HMGCLL1: variants seen among roughly 807,000 people sequenced by gnomAD.
HMGCLL1 encodes 3-hydroxymethyl-3-methylglutaryl-CoA lyase, cytoplasmic.
A neutral mutation model predicts 39.1 loss-of-function variants in HMGCLL1; 36 were observed. The observed-to-expected ratio is 0.92, with a 90% CI of 0.71 to 1.22. The LOEUF (loss-of-function observed/expected upper bound fraction) is 1.22. HMGCLL1 is among the 50% of genes most tolerant of loss of function. The probability of loss-of-function intolerance (pLI) is 0.00; values close to 1 mark genes in which losing one functional copy is unlikely to be tolerated. For synonymous variants in HMGCLL1, 149 were observed against 144.0 expected, an observed-to-expected ratio of 1.03 and a Z score of -0.25; for missense variants, 451 against 416.5, an observed-to-expected ratio of 1.08 and a Z score of -0.72.
chr6:55,619,138 A>G, the HMGCLL1 span, among the ~76,000 whole-genome samples: 1 of 152,080 alleles, frequency 6.6e-6, no homozygotes, highest in Non-Finnish European at 1.5e-5. Flanking sequence ...AAAGATAGGG[A>G]TCAAAAAGAA....
chr6:55,674,700 C>T, the HMGCLL1 span, among the ~76,000 whole-genome samples: 1 of 151,964 alleles, frequency 6.6e-6, no homozygotes, highest in East Asian at 1.9e-4. Flanking sequence ...TTGCATCCAA[C>T]AAAGTTAGCA....
intron 3 of HMGCLL1, 70 bp from the exon 4 acceptor site, chr6:55,516,673 G>A: frequency 9.5e-7 from 1 of 1,047,638 alleles, no homozygotes. Context: ...TTTAGTTTCA[G>A]GTAGGTTATA....
At chr6:55,658,450 T>C in the HMGCLL1 span, among the ~76,000 whole-genome samples, 2 of 151,920 alleles carry the variant, frequency 1.3e-5, no homozygotes, top group African/African-American at 4.8e-5. Flanking sequence ...GGGAGTGAGA[T>C]GGGAATGCGT....
intron 1 of HMGCLL1, among the ~76,000 whole-genome samples, chr6:55,575,561 A>G (rs1276403188): frequency 2.0e-5 from 3 of 152,120 alleles, no homozygotes; most frequent in Non-Finnish European, 4.4e-5. Flanking sequence ...CACACACATA[A>G]TTATTTCAAA....
the HMGCLL1 span, among the ~76,000 whole-genome samples, chr6:55,650,086 T>TATAC: frequency 3.9e-5 from 2 of 51,162 alleles, no homozygotes; most frequent in Admixed American, 2.7e-4. Context: ...TACACACACA[T>TATAC]ATACATATAT....
chr6:55,650,128 TATATATACACACACAC>T, the HMGCLL1 span, among the ~76,000 whole-genome samples: 94 of 53,696 alleles, frequency 1.8e-3, 1 homozygote, highest in South Asian at 5.8e-3. Context: ...TATATATATA[TATATATACACACACAC>T]ACACATATGT....
At chr6:55,476,272 G>C (rs1765281168) in intron 7 of HMGCLL1, among the ~76,000 whole-genome samples, 1 of 151,396 alleles carries the variant, frequency 6.6e-6, no homozygotes, top group African/African-American at 2.4e-5. Flanking sequence ...TTTCTATATA[G>C]TAATATAACA....
At chr6:55,650,134 T>TATATATATATATATATATATATATATAC in the HMGCLL1 span, among the ~76,000 whole-genome samples, 3 of 53,346 alleles carry the variant, frequency 5.6e-5, no homozygotes, top group Admixed American at 5.2e-4. Flanking sequence ...TATATATATA[T>TATATATATATATATATATATATATATAC]ACACACACAC....
chr6:55,657,569 T>C, the HMGCLL1 span, among the ~76,000 whole-genome samples: 3 of 152,084 alleles, frequency 2.0e-5, no homozygotes, highest in South Asian at 4.1e-4. Context: ...ACCAGTACCA[T>C]GCTATTTTGG....
chr6:55,468,127 C>G (rs1764871474), intron 7 of HMGCLL1, among the ~76,000 whole-genome samples: 1 of 151,924 alleles, frequency 6.6e-6, no homozygotes, highest in African/African-American at 2.4e-5. Context: ...GGGTTGGGAT[C>G]TCTTTTGCAG....
At position 55,477,447 on chromosome 6, in the gene HMGCLL1, TA is replaced by T. The variant is rs1236647354; in HGVS notation, c.795+17971del. ...TAATATATATTATATATTATATATA[TA>T]ATATATTACATATAATATATAATAT... On this transcript the variant is annotated intron_variant, in intron 7 of 8. Transcript: ENST00000274901. Among the ~76,000 whole-genome samples, 20 of 59,130 alleles carry T rather than the reference TA, an allele frequency of 3.4e-4. 2 individuals carry two copies. Among genetic ancestry groups the T allele is most frequent in the Non-Finnish European group, 5.6e-4 (19 of 33,726 alleles). The allele number at this position is 59,130 out of a possible 152,430, so 38.8% of individuals were successfully genotyped here. A position where few individuals can be genotyped will look rare whatever the true frequency, so the allele number is the denominator to read the frequency against.
At chr6:55,541,959 G>GA in intron 2 of HMGCLL1, 101 bp downstream of exon 2, 2 of 974,796 alleles carry the variant, frequency 2.1e-6, no homozygotes, top group African/African-American at 1.7e-5. Flanking sequence ...TAGCAATTGA[G>GA]AAAAAATATA....
chr6:55,514,709 T>C (rs988864998), intron 4 of HMGCLL1, among the ~76,000 whole-genome samples: 6 of 152,184 alleles, frequency 3.9e-5, no homozygotes, highest in African/African-American at 1.4e-4. Context: ...TTTTTTTGTA[T>C]CCTGACTTCT....
chr6:55,537,695 G>C (rs1392172651), intron 3 of HMGCLL1, among the ~76,000 whole-genome samples: 1 of 152,136 alleles, frequency 6.6e-6, no homozygotes, highest in Non-Finnish European at 1.5e-5. Context: ...TCACTGCTGG[G>C]ATTTCCAAGG....
intron 7 of HMGCLL1, among the ~76,000 whole-genome samples, chr6:55,459,280 T>G (rs1764454699): frequency 6.6e-6 from 1 of 152,104 alleles, no homozygotes; most frequent in African/African-American, 2.4e-5. Flanking sequence ...AATGTATACA[T>G]GAATAATTAA....
chr6:55,442,609 A>C (rs769790029), intron 7 of HMGCLL1, among the ~76,000 whole-genome samples: 1 of 152,162 alleles, frequency 6.6e-6, no homozygotes, highest in Non-Finnish European at 1.5e-5. Context: ...TTGGGACCTA[A>C]GGAAAGTTTA....
At chr6:55,460,042 G>A (rs1764489846) in intron 7 of HMGCLL1, among the ~76,000 whole-genome samples, 1 of 151,914 alleles carries the variant, frequency 6.6e-6, no homozygotes, top group African/African-American at 2.4e-5. Flanking sequence ...TTATTGCTCA[G>A]TATTTTAGGC....
At chr6:55,596,242 G>A in the HMGCLL1 span, among the ~76,000 whole-genome samples, 1 of 152,126 alleles carries the variant, frequency 6.6e-6, no homozygotes, top group Non-Finnish European at 1.5e-5. Context: ...CAGGAAAATC[G>A]CTTGAGCCCG....
the HMGCLL1 span, among the ~76,000 whole-genome samples, chr6:55,663,266 T>C: frequency 6.6e-6 from 1 of 151,976 alleles, no homozygotes; most frequent in African/African-American, 2.4e-5. Flanking sequence ...GTTTTTGCAG[T>C]TGCAATGTTA....
Sources: gnomAD v4.1 joint callset for allele counts (sites outside exome capture counted in the v4.1 genomes callset) on GRCh38, gnomAD v4.1.1 for gene constraint, MANE v1.5 for transcripts, NCBI Gene and HGNC (gene_info 2026-07-23, HGNC 2026-07-21) for gene names.